Variants in KIF21A observed in about 807,000 individuals in gnomAD.
The protein encoded by KIF21A is kinesin-like protein KIF21A.
A neutral mutation model predicts 202.9 loss-of-function variants in KIF21A; 114 were observed. That is an observed-to-expected ratio of 0.56 (90% CI 0.48 to 0.66). The LOEUF is 0.66. KIF21A is among the 30% of genes least tolerant of loss of function. The pLI, the probability that KIF21A is intolerant of heterozygous loss-of-function variation, is 0.00. For missense variants in KIF21A, 1,677 were observed against 1,994.9 expected (o/e 0.84, Z 3.04); for synonymous variants, 667 against 670.8 (o/e 0.99, Z 0.09).
At chr12:39,428,846 T>G (rs549536496) in intron 1 of KIF21A, among the ~76,000 whole-genome samples, 2 of 151,838 alleles carry the variant, frequency 1.3e-5, no homozygotes, top group South Asian at 4.2e-4. Context: ...TAATCCTAGC[T>G]ACTCGGGAGG....
At chr12:39,298,558 C>G (rs1319101112) in intron 37 of KIF21A, among the ~76,000 whole-genome samples, 1 of 152,026 alleles carries the variant, frequency 6.6e-6, no homozygotes, top group Non-Finnish European at 1.5e-5. Context: ...GCCAACTAAC[C>G]CTAGAGTAAT....
chr12:39,315,864 A>G (rs1944480644), intron 30 of KIF21A, 68 bp downstream of exon 30: 1 of 1,156,518 alleles, frequency 8.6e-7, no homozygotes, highest in African/African-American at 1.5e-5. Flanking sequence ...CTTGCTTAGA[A>G]TTTCTAGGAA....
At chr12:39,422,582 A>G (rs1222055357) in intron 1 of KIF21A, among the ~76,000 whole-genome samples, 2 of 152,212 alleles carry the variant, frequency 1.3e-5, no homozygotes, top group Admixed American at 6.5e-5. Flanking sequence ...CAGTGGTGTC[A>G]TGGGACACCT....
Position 39,330,902 on chromosome 12 carries a change from C to T in KIF21A, c.3163G>A (p.Ala1055Thr). The T allele has an allele frequency of 1.2e-6, 2 of 1,613,848 alleles. No homozygotes were observed. The highest frequency in any genetic ancestry group is 1.7e-6 in the Non-Finnish European group (2 of 1,179,838). ...LSMGINKGLQAAQKEAQIKVL... is the reference protein window; with the variant it reads ...LSMGINKGLQTAQKEAQIKVL... ...TTAATTTGAGCCTCTTTCTGGGCAG[C>T]CTGAAGACCCTGAAACACAACAAAA... Residue 1055 changes from alanine to threonine, a missense_variant, in exon 23 of 38, where the codon GCT (alanine) becomes ACT (threonine). Ala to Thr is a moderately conservative substitution (Grantham distance 58). Coordinates refer to ENST00000361418, the MANE Select transcript of KIF21A (RefSeq NM_001173464.2).
chr12:39,413,733 C>T (rs1953304461), intron 1 of KIF21A, among the ~76,000 whole-genome samples: 1 of 152,110 alleles, frequency 6.6e-6, no homozygotes, highest in African/African-American at 2.4e-5. Flanking sequence ...ATGATTGTGC[C>T]ACTGTACTCC....
chr12:39,361,824 T>C (rs1427241743), intron 7 of KIF21A, among the ~76,000 whole-genome samples: 2 of 152,088 alleles, frequency 1.3e-5, no homozygotes, highest in African/African-American at 2.4e-5. Flanking sequence ...ACTTTATTTC[T>C]AAACCAAACG....
At position 39,369,686 on chromosome 12, in the gene KIF21A, G is replaced by T. The variant is rs1176708133; in HGVS notation, c.450+43C>A. 8.8e-6 allele frequency: 13 copies of T among 1,485,376 alleles called. 1 individual carries two copies. The South Asian group carries it at 1.4e-4, about 16-fold the overall frequency. 92.0% of individuals were successfully genotyped at this position (1,485,376 alleles called of 1,614,324 possible). A position where few individuals can be genotyped will look rare whatever the true frequency, so the allele number is the denominator to read the frequency against. On this transcript the variant is annotated intron_variant, in intron 3 of 37. Transcript: ENST00000361418. ...ATAAAATCATAAACACAGTCTATAAGAACAAAATTTAAAAGAAATTAATGC... is the reference window on the plus strand; with the variant it reads ...ATAAAATCATAAACACAGTCTATAATAACAAAATTTAAAAGAAATTAATGC...
At chr12:39,387,161 TACACACACACACAC>T (rs3036323) in intron 1 of KIF21A, among the ~76,000 whole-genome samples, 21 of 138,240 alleles carry the variant, frequency 1.5e-4, no homozygotes, top group South Asian at 7.5e-4. Flanking sequence ...ATGCAGTAGT[TACACACACACACAC>T]ACACACACAC....
At chr12:39,377,033 C>A (rs1950313800) in intron 1 of KIF21A, among the ~76,000 whole-genome samples, 1 of 152,090 alleles carries the variant, frequency 6.6e-6, no homozygotes, top group South Asian at 2.1e-4. Context: ...TCTTTGTAAA[C>A]TGTCTCTCCT....
chr12:39,414,370 T>G (rs1366615209), intron 1 of KIF21A, among the ~76,000 whole-genome samples: 3 of 152,244 alleles, frequency 2.0e-5, no homozygotes, highest in African/African-American at 7.2e-5. Context: ...AATACTTTAT[T>G]ATCAAAAGAT....
At chr12:39,345,697 A>G (rs1470092885) in intron 12 of KIF21A, among the ~76,000 whole-genome samples, 1 of 151,892 alleles carries the variant, frequency 6.6e-6, no homozygotes, top group Non-Finnish European at 1.5e-5. Context: ...CATTTTGACT[A>G]TGTAATCTAG....
chr12:39,344,441 A>C (rs1431098419), intron 12 of KIF21A, among the ~76,000 whole-genome samples: 2 of 152,138 alleles, frequency 1.3e-5, no homozygotes, highest in African/African-American at 4.8e-5. Flanking sequence ...CTCACCTGTG[A>C]CTGCTACAGA....
intron 35 of KIF21A, 69 bp downstream of exon 35, chr12:39,304,752 G>A: frequency 1.2e-6 from 1 of 852,900 alleles, no homozygotes; most frequent in Non-Finnish European, 2.0e-6. Context: ...AGAGGTCCTA[G>A]ATGAATCTGA....
At chr12:39,422,694 G>T (rs1954404315) in intron 1 of KIF21A, among the ~76,000 whole-genome samples, 2 of 152,148 alleles carry the variant, frequency 1.3e-5, no homozygotes, top group African/African-American at 4.8e-5. Flanking sequence ...TCTGAAATAT[G>T]CCAAAAGTTC....
intron 1 of KIF21A, among the ~76,000 whole-genome samples, chr12:39,416,794 T>TATAG (rs1953761239): frequency 1.7e-5 from 2 of 119,762 alleles, no homozygotes; most frequent in Non-Finnish European, 3.3e-5. Flanking sequence ...TATGTGTATA[T>TATAG]ATATGTACAT....
At chr12:39,415,511 C>A (rs1440516470) in intron 1 of KIF21A, among the ~76,000 whole-genome samples, 1 of 152,106 alleles carries the variant, frequency 6.6e-6, no homozygotes, top group Non-Finnish European at 1.5e-5. Flanking sequence ...GCAGCCTCGG[C>A]CTCCCAAAGT....
rs1947395996 is a variant in KIF21A, at chr12:39,341,006, T to C, written c.2010A>G (p.Arg670=). 1 of 1,613,070 alleles carries C rather than the reference T, an allele frequency of 6.2e-7. No homozygotes were observed. Among genetic ancestry groups the C allele is most frequent in the Non-Finnish European group, 8.5e-7 (1 of 1,179,366 alleles). Residue 670 remains arginine, a synonymous_variant, in exon 15 of 38, where the codon AGA becomes AGG. Coordinates refer to ENST00000361418, the MANE Select transcript of KIF21A (RefSeq NM_001173464.2). The part of the protein sequence containing the change: ...LIDELENSQK[R]LQTLKKQYEE... ...CATACTGCTTTTTCAGAGTCTGCAGTCTTTTCTGGCTGTTTTCTAGTTCAT... is the reference window on the plus strand; with the variant it reads ...CATACTGCTTTTTCAGAGTCTGCAGCCTTTTCTGGCTGTTTTCTAGTTCAT...
intron 1 of KIF21A, among the ~76,000 whole-genome samples, chr12:39,407,227 G>A (rs1443778775): frequency 6.6e-6 from 1 of 151,870 alleles, no homozygotes; most frequent in East Asian, 1.9e-4. Flanking sequence ...TTACAGTGGG[G>A]GTCAAAACAG....
intron 12 of KIF21A, among the ~76,000 whole-genome samples, chr12:39,344,948 A>G (rs1947764918): frequency 6.6e-6 from 1 of 152,162 alleles, no homozygotes; most frequent in Non-Finnish European, 1.5e-5. Flanking sequence ...TCCCCTCAAG[A>G]GAACTAAAAC....
Sources: allele counts gnomAD v4.1 joint callset (sites outside exome capture counted in the v4.1 genomes callset), GRCh38; gene constraint gnomAD v4.1.1; transcripts MANE v1.5; gene names NCBI Gene and HGNC (gene_info 2026-07-23, HGNC 2026-07-21).